RCOR3: variants seen among roughly 807,000 people sequenced by gnomAD.
The protein encoded by RCOR3 is REST corepressor 3.
A neutral mutation model predicts 64.1 loss-of-function variants in RCOR3; 13 were observed. The observed-to-expected ratio is 0.20, with a 90% CI of 0.13 to 0.32. The LOEUF is 0.32. Ranked by LOEUF, RCOR3 falls within the 10% of genes least tolerant of loss-of-function variation. RCOR3 has a pLI of 1.00. For synonymous variants in RCOR3, 215 were observed against 239.0 expected, an observed-to-expected ratio of 0.90 and a Z score of 0.93; for missense variants, 489 against 701.2, an observed-to-expected ratio of 0.70 and a Z score of 3.42.
chr1:211,279,298 A>G lies in RCOR3; in HGVS notation c.702A>G (p.Lys234=). 6.2e-7 allele frequency: 1 copy of G among 1,611,312 alleles called. No homozygotes were observed. Among genetic ancestry groups the G allele is most frequent in the Non-Finnish European group, 8.5e-7 (1 of 1,177,882 alleles). Residue 234 remains lysine, a synonymous_variant, in exon 7 of 12, where the codon AAA becomes AAG. Transcript: ENST00000419091. The stretch of plus-strand genomic sequence containing the variant: ...GGAATGATAGTGATTATGATCCCAA[A>G]AAAGAAGCCAAAAAAGAGGTAATGA... ...MDGNDSDYDP[K]KEAKKEGNTE...
chr1:211,309,105 A>AAAAG lies in RCOR3; in HGVS notation c.1076-3614_1076-3613insAAGA, dbSNP rs1196231909. On this transcript the variant is annotated intron_variant, in intron 10 of 11. Transcript: ENST00000419091. ...TAAACATAAAAAAAAAAAAAAAAAA[A>AAAAG]AGATTCAGATTCCATTTTCACAGTT... is the stretch of plus-strand genomic sequence containing the variant. Among the ~76,000 whole-genome samples, 3 of 151,652 alleles carry AAAAG rather than the reference A, an allele frequency of 2.0e-5. No individual in the cohort carries two copies. In the East Asian group the frequency reaches 5.8e-4, roughly 29 times the overall value.
In RCOR3 at chr1:211,312,871, G is replaced by T. The variant is rs533701612; in HGVS notation, c.1227G>T (p.Gln409His). ...AGTGGGAAGCAGAACAAGGAACCCA[G>T]GCTTCTAATGGTGATGCTTCTACTT... ...LQEWEAEQGT[Q>H]ASNGDASTLG... is the part of the protein sequence containing the mutation. The change falls in exon 11 of 12, where the codon CAG (glutamine) becomes CAT (histidine). Residue 409 changes from glutamine to histidine, a missense_variant. Transcript: ENST00000419091. The surrounding 1 kb of genome is among the most constrained non-coding windows in gnomAD (Gnocchi z 5.0). 43 of 1,614,190 alleles carry T rather than the reference G, an allele frequency of 2.7e-5. No homozygotes were observed. The South Asian group carries it at 4.5e-4, about 17-fold the overall frequency.
At chr1:211,266,624 T>G (rs1365169946) in intron 2 of RCOR3, among the ~76,000 whole-genome samples, 2 of 152,180 alleles carry the variant, frequency 1.3e-5, no homozygotes, top group Admixed American at 6.5e-5. Flanking sequence ...AAGGCATGGT[T>G]GTTTTGTTGG....
intron 10 of RCOR3, among the ~76,000 whole-genome samples, chr1:211,307,148 A>G (rs1324960904): frequency 2.6e-5 from 4 of 152,216 alleles, no homozygotes; most frequent in Admixed American, 2.0e-4. Context: ...AAGTTATCCT[A>G]AAATCCAACT....
chr1:211,259,837 C>A (rs940174771), intron 1 of RCOR3, 111 bp downstream of exon 1: 5 of 998,272 alleles, frequency 5.0e-6, no homozygotes, highest in Non-Finnish European at 6.8e-6. Context: ...AGAGCCTGGG[C>A]GCTGCGGTAG....
Position 211,312,601 on chromosome 1 carries a change from G to GAGCA in RCOR3, c.1076-118_1076-115dup, listed in dbSNP as rs1701607644. 2 of 758,156 alleles carry GAGCA rather than the reference G, an allele frequency of 2.6e-6. No homozygotes were observed. Among genetic ancestry groups the GAGCA allele is most frequent in the Non-Finnish European group, 4.6e-6 (2 of 438,950 alleles). 47.0% of individuals were successfully genotyped at this position (758,156 alleles called of 1,614,324 possible). ...AGCCTCTATCTCAGAATTGAGAAATGAGCAGAGTTTATCAGAAAGGAATTT... is the reference window on the plus strand; with the variant it reads ...AGCCTCTATCTCAGAATTGAGAAATGAGCAAGCAGAGTTTATCAGAAAGGAATTT... On this transcript the variant is annotated intron_variant, in intron 10 of 11. Transcript: ENST00000419091. The surrounding 1 kb of genome is among the most constrained non-coding windows in gnomAD (Gnocchi z 5.0).
chr1:211,287,053 A>C (rs889818782), intron 7 of RCOR3, among the ~76,000 whole-genome samples: 2 of 152,204 alleles, frequency 1.3e-5, no homozygotes. Flanking sequence ...TCTAGGCACT[A>C]CCAATCTAAG....
intron 9 of RCOR3, 136 bp downstream of exon 9, chr1:211,295,889 C>A (rs1699815656): frequency 6.7e-6 from 4 of 597,608 alleles, no homozygotes; most frequent in Non-Finnish European, 1.2e-5. Context: ...TTTATTATGT[C>A]TCTTTTTATT....
intron 7 of RCOR3, among the ~76,000 whole-genome samples, chr1:211,285,293 A>G (rs1435765618): frequency 1.3e-5 from 2 of 152,216 alleles, no homozygotes; most frequent in African/African-American, 4.8e-5. Flanking sequence ...GTAGGTTGTT[A>G]TTAAAGGTTT....
At position 211,315,998 on chromosome 1, in the gene RCOR3, G is replaced by T. The variant is rs1701844720; in HGVS notation, c.*2230G>T. On this transcript the variant is annotated 3_prime_UTR_variant, in exon 12 of 12. Coordinates refer to ENST00000419091, the MANE Select transcript of RCOR3 (RefSeq NM_001136223.3). The stretch of plus-strand genomic sequence containing the variant: ...GTGATATGCTTGCTGCTTAATCAAA[G>T]GATTAAAGATTTAAAGATGTCTATG... 1 of 152,102 alleles carries T rather than the reference G, an allele frequency of 6.6e-6. No homozygotes were observed. Among genetic ancestry groups the T allele is most frequent in the Non-Finnish European group, 1.5e-5 (1 of 68,008 alleles). The allele number at this position is 152,102 out of a possible 1,614,324, so 9.4% of individuals were successfully genotyped here. A position where few individuals can be genotyped will look rare whatever the true frequency, so the allele number is the denominator to read the frequency against.
At chr1:211,275,368 A>G (rs1696822373) in intron 4 of RCOR3, among the ~76,000 whole-genome samples, 1 of 151,948 alleles carries the variant, frequency 6.6e-6, no homozygotes, top group South Asian at 2.1e-4. Context: ...TTGATTGCCT[A>G]TTTTGTTTTT....
At position 211,283,232 on chromosome 1, in the gene RCOR3, T is replaced by C. The variant is rs1698066630; in HGVS notation, c.720+3916T>C. The stretch of plus-strand genomic sequence containing the variant: ...AGAAATTATGGAGGTGTTTTCATTG[T>C]TAACAGTGATTGTGGGGCATTTCAG... On this transcript the variant is annotated intron_variant, in intron 7 of 11. Transcript: ENST00000419091. 4.6e-5 allele frequency among the ~76,000 whole-genome samples: 7 copies of C among 152,354 alleles called. No individual in the cohort carries two copies. In the South Asian group the frequency reaches 1.4e-3, roughly 32 times the overall value.
intron 4 of RCOR3, among the ~76,000 whole-genome samples, chr1:211,275,124 A>G (rs190742328): frequency 2.4e-4 from 36 of 151,974 alleles, no homozygotes; most frequent in Middle Eastern, 3.5e-3. Context: ...AATGAAATGA[A>G]AGAGATCTTA....
Position 211,312,692 on chromosome 1 carries a change from C to A in RCOR3, c.1076-28C>A. ...CACAGCTCTCCTTATTGATCCTTCA[C>A]AGGTGTATTATTTACTTTGCCTTCC... On this transcript the variant is annotated intron_variant, in intron 10 of 11. Transcript: ENST00000419091. This position sits in a 1 kb window ranked among gnomAD's most constrained non-coding sequence, Gnocchi z 5.0. The A allele has an allele frequency of 6.7e-7, 1 of 1,492,096 alleles. No homozygotes were observed. The highest frequency in any genetic ancestry group is 9.3e-7 in the Non-Finnish European group (1 of 1,069,716). The allele number at this position is 1,492,096 out of a possible 1,614,324, so 92.4% of individuals were successfully genotyped here.
intron 10 of RCOR3, among the ~76,000 whole-genome samples, chr1:211,306,537 G>A (rs1700869326): frequency 6.6e-6 from 1 of 152,044 alleles, no homozygotes. Context: ...CTGGCTCATA[G>A]TAGAAGACTA....
chr1:211,282,023 T>G (rs1697879678), intron 7 of RCOR3, among the ~76,000 whole-genome samples: 1 of 152,190 alleles, frequency 6.6e-6, no homozygotes, highest in South Asian at 2.1e-4. Context: ...ACCTGAAAAC[T>G]TAAGAATTTG....
At chr1:211,261,606 AAG>A (rs1369273253) in intron 2 of RCOR3, among the ~76,000 whole-genome samples, 1 of 152,166 alleles carries the variant, frequency 6.6e-6, no homozygotes, top group African/African-American at 2.4e-5. Flanking sequence ...GACATTTGGA[AAG>A]AGCACATTTT....
rs542845891 is a variant in RCOR3 at position 211,281,952 on chromosome 1, AG to A, written c.720+2637del. On this transcript the variant is annotated intron_variant, in intron 7 of 11. Coordinates refer to ENST00000419091, the MANE Select transcript of RCOR3 (RefSeq NM_001136223.3). Reference sequence around the variant, plus strand: ...CACTCCCAGGGACTGATGCATAGTAAGCATTTAGTAAAATTTTAATGAATGA... The same window carrying A: ...CACTCCCAGGGACTGATGCATAGTAACATTTAGTAAAATTTTAATGAATGA... Among the ~76,000 whole-genome samples, 379 of 152,314 alleles carry A rather than the reference AG, an allele frequency of 2.5e-3. 1 individual carries two copies. Among genetic ancestry groups the A allele is most frequent in the African/African-American group, 8.7e-3 (362 of 41,562 alleles).
rs561860434 is a variant in RCOR3 at position 211,284,462 on chromosome 1, G to A, written c.721-4716G>A. 1.1e-4 allele frequency among the ~76,000 whole-genome samples: 17 copies of A among 151,966 alleles called. 1 individual carries two copies. In the South Asian group the frequency reaches 3.5e-3, roughly 32 times the overall value. On this transcript the variant is annotated intron_variant, in intron 7 of 11. Coordinates refer to ENST00000419091, the MANE Select transcript of RCOR3 (RefSeq NM_001136223.3). ...TTTCTCTTTTTACATTGAAGTCCTTGCTGTAGCAGTAAATAAGTTCATGTT... is the reference window on the plus strand; with the variant it reads ...TTTCTCTTTTTACATTGAAGTCCTTACTGTAGCAGTAAATAAGTTCATGTT...
Sources: gnomAD v4.1 joint callset for allele counts (sites outside exome capture counted in the v4.1 genomes callset) on GRCh38, gnomAD v4.1.1 for gene constraint, Gnocchi (gnomAD v3.1) non-coding constraint, MANE v1.5 for transcripts, NCBI Gene and HGNC (gene_info 2026-07-23, HGNC 2026-07-21) for gene names.